SIPA1L1: variants seen among roughly 807,000 people sequenced by gnomAD.
SIPA1L1 encodes signal-induced proliferation-associated 1-like protein 1.
In SIPA1L1, 26 loss-of-function variants were observed where a neutral mutation model predicts 162.7. The ratio of observed to expected loss-of-function variants is 0.16; its 90% CI spans 0.12 to 0.22. The LOEUF (loss-of-function observed/expected upper bound fraction) is 0.22, where lower values mean the gene tolerates loss of function less well. Among genes scored for constraint, SIPA1L1 ranks in the 10% least tolerant of loss-of-function variants. The pLI is 1.00. For missense variants in SIPA1L1, 1,874 were observed against 2,241.0 expected (o/e 0.84, Z 3.31); for synonymous variants, 829 against 837.4 (o/e 0.99, Z 0.17).
intron 12 of SIPA1L1, among the ~76,000 whole-genome samples, chr14:71,676,771 C>A (rs1315040234): frequency 1.3e-5 from 2 of 151,824 alleles, no homozygotes; most frequent in African/African-American, 4.8e-5. Context: ...ATGATGGTTT[C>A]CAGCATCTTC....
intron 5 of SIPA1L1, among the ~76,000 whole-genome samples, chr14:71,612,185 C>T (rs2038301087): frequency 6.6e-6 from 1 of 151,958 alleles, no homozygotes; most frequent in African/African-American, 2.4e-5. Context: ...ATTTTTCTTT[C>T]TGTATGATCA....
Position 71,374,751 on chromosome 14 carries a change from A to G in SIPA1L1, c.-465+53570A>G, listed in dbSNP as rs2039224380. Among the ~76,000 whole-genome samples, 12 of 148,638 alleles carry G rather than the reference A, an allele frequency of 8.1e-5. No individual in the cohort carries two copies. In the Admixed American group the frequency reaches 8.1e-4, roughly 10 times the overall value. Reference sequence around the variant, plus strand: ...ATTCACTGCCATATATCTAAATAATATATTTTCACTCCTATAGCCTGTAGT... The same window carrying G: ...ATTCACTGCCATATATCTAAATAATGTATTTTCACTCCTATAGCCTGTAGT... On this transcript the variant is annotated intron_variant, in intron 2 of 23. Coordinates refer to ENST00000381232, the MANE Select transcript of SIPA1L1 (RefSeq NM_001386936.1).
intron 4 of SIPA1L1, among the ~76,000 whole-genome samples, chr14:71,529,794 GA>G (rs2053255988): frequency 1.3e-5 from 2 of 152,226 alleles, no homozygotes; most frequent in South Asian, 2.1e-4. Context: ...TGGCCAGGGG[GA>G]TGGTTTCAGA....
intron 2 of SIPA1L1, among the ~76,000 whole-genome samples, chr14:71,506,582 C>T (rs781052490): frequency 5.3e-5 from 8 of 152,170 alleles, no homozygotes; most frequent in Admixed American, 2.0e-4. Flanking sequence ...CTCAGGCGAT[C>T]CACCCGCCTC....
At position 71,671,622 on chromosome 14, in the gene SIPA1L1, G is replaced by A. The variant is rs780511998; in HGVS notation, c.2759G>A (p.Arg920Gln). The A allele has an allele frequency of 1.4e-5, 23 of 1,614,010 alleles. No homozygotes were observed. The highest frequency in any genetic ancestry group is 7.7e-5 in the South Asian group (7 of 91,078). The change falls in exon 11 of 24, where the codon CGA becomes CAA. Residue 920 changes from arginine (R) to glutamine (Q), a missense_variant. Physicochemically the swap from Arg to Gln is conservative, Grantham distance 43. This residue lies in a region of SIPA1L1 where 243 missense variants were observed against 315.0 expected (regional missense o/e 0.77). Coordinates refer to ENST00000381232, the MANE Select transcript of SIPA1L1 (RefSeq NM_001386936.1). ...TDTSLKIFYE[R>Q]GECVSVGSFI... ...ACCAGCCTCAAAATCTTCTATGAAC[G>A]AGGAGAATGTGTTTCAGTGGGTAGT...
intron 7 of SIPA1L1, among the ~76,000 whole-genome samples, chr14:71,627,612 G>A (rs2040163448): frequency 1.3e-5 from 2 of 152,200 alleles, no homozygotes; most frequent in South Asian, 4.1e-4. Context: ...ACAGTTGGGG[G>A]CATCTCATGA....
chr14:71,357,707 A>G (rs1305383018), intron 2 of SIPA1L1, among the ~76,000 whole-genome samples: 2 of 152,122 alleles, frequency 1.3e-5, no homozygotes, highest in Non-Finnish European at 2.9e-5. Context: ...TACTGTAGGC[A>G]TGAGCCATCA....
chr14:71,573,807 A>G (rs914773360), intron 4 of SIPA1L1: 13 of 434,976 alleles, frequency 3.0e-5, no homozygotes, highest in African/African-American at 6.1e-5. Context: ...CTGGTATTCC[A>G]GTACTTTTTC....
intron 2 of SIPA1L1, among the ~76,000 whole-genome samples, chr14:71,379,070 T>G (rs2039661629): frequency 6.6e-6 from 1 of 152,190 alleles, no homozygotes; most frequent in Non-Finnish European, 1.5e-5. Context: ...GTATCATGAA[T>G]AGATTGCTTC....
intron 2 of SIPA1L1, among the ~76,000 whole-genome samples, chr14:71,376,965 CTCTT>C (rs1232753368): frequency 1.3e-5 from 2 of 152,212 alleles, no homozygotes; most frequent in African/African-American, 4.8e-5. Context: ...AATCTGATCT[CTCTT>C]TCTTTTCCCC....
At chr14:71,557,474 G>A (rs1282281743) in intron 4 of SIPA1L1, among the ~76,000 whole-genome samples, 1 of 152,202 alleles carries the variant, frequency 6.6e-6, no homozygotes, top group Non-Finnish European at 1.5e-5. Flanking sequence ...GGTTACTACA[G>A]GTTGTATTTT....
intron 2 of SIPA1L1, among the ~76,000 whole-genome samples, chr14:71,492,555 C>A (rs2049366447): frequency 6.6e-6 from 1 of 152,224 alleles, no homozygotes; most frequent in Non-Finnish European, 1.5e-5. Context: ...ACAACCTCTG[C>A]TGTCTGCTTC....
intron 20 of SIPA1L1, 90 bp downstream of exon 20, chr14:71,730,391 G>A: frequency 6.9e-7 from 1 of 1,449,752 alleles, no homozygotes; most frequent in Admixed American, 1.8e-5. Context: ...CTCAGAGAGG[G>A]GTCCTGTATC....
intron 2 of SIPA1L1, among the ~76,000 whole-genome samples, chr14:71,425,252 GT>G (rs922766256): frequency 4.5e-4 from 69 of 151,990 alleles, no homozygotes; most frequent in African/African-American, 1.6e-3. Flanking sequence ...CTTTTGTTTA[GT>G]TTATCTCTAC....
intron 4 of SIPA1L1, among the ~76,000 whole-genome samples, chr14:71,577,934 A>G (rs1362763781): frequency 3.7e-4 from 56 of 151,702 alleles, no homozygotes; most frequent in Non-Finnish European, 5.9e-5. Flanking sequence ...TCTCCGATAC[A>G]GAGTCTTGCT....
At chr14:71,321,508 G>T (rs996787574) in intron 2 of SIPA1L1, 5 of 152,308 alleles carry the variant, frequency 3.3e-5, no homozygotes, top group African/African-American at 4.8e-5. Flanking sequence ...GCCACCTGGC[G>T]ACCCTTCCCC....
intron 2 of SIPA1L1, among the ~76,000 whole-genome samples, chr14:71,347,203 C>T (rs769213160): frequency 1.3e-5 from 2 of 151,916 alleles, no homozygotes; most frequent in Non-Finnish European, 2.9e-5. Context: ...TCAAGTGATC[C>T]ACCTGCCTCG....
intron 2 of SIPA1L1, among the ~76,000 whole-genome samples, chr14:71,394,642 A>G (rs1566968670): frequency 1.3e-5 from 2 of 152,224 alleles, no homozygotes; most frequent in Non-Finnish European, 2.9e-5. Flanking sequence ...CAAACTGTTT[A>G]ACTGTGTATT....
At chr14:71,508,814 T>C (rs1021335814) in intron 2 of SIPA1L1, among the ~76,000 whole-genome samples, 2 of 152,204 alleles carry the variant, frequency 1.3e-5, no homozygotes, top group Non-Finnish European at 1.5e-5. Context: ...CTGATTTTCA[T>C]GGGATGAGTA....
Sources: gnomAD v4.1 joint callset for allele counts (sites outside exome capture counted in the v4.1 genomes callset) on GRCh38, gnomAD v4.1.1 for gene constraint, gnomAD v4.1.1 regional missense constraint, MANE v1.5 for transcripts, NCBI Gene and HGNC (gene_info 2026-07-23, HGNC 2026-07-21) for gene names.